Variants in CHRNA5 observed in about 807,000 individuals in gnomAD.
CHRNA5 encodes the protein cholinergic receptor nicotinic alpha 5 subunit, also known as neuronal acetylcholine receptor subunit alpha-5.
A neutral mutation model predicts 41.2 loss-of-function variants in CHRNA5; 28 were observed. The ratio of observed to expected loss-of-function variants is 0.68; its 90% CI spans 0.50 to 0.93. CHRNA5 has a LOEUF of 0.93. Among genes scored for constraint, CHRNA5 ranks in the 40% least tolerant of loss-of-function variants. The pLI, the probability that CHRNA5 is intolerant of heterozygous loss-of-function variation, is 0.00. For missense variants in CHRNA5, 481 were observed against 581.9 expected (o/e 0.83, Z 1.78); for synonymous variants, 188 against 205.8 (o/e 0.91, Z 0.74).
chr15:78,569,009 C>G (rs7165657), intron 1 of CHRNA5, among the ~76,000 whole-genome samples: 5,444 of 152,218 alleles, frequency 0.036, 332 homozygotes, highest in African/African-American at 0.12. Context: ...TACACACATA[C>G]TGACTGTCAG....
At chr15:78,582,549 G>A (rs754904855) in intron 2 of CHRNA5, among the ~76,000 whole-genome samples, 1 of 151,988 alleles carries the variant, frequency 6.6e-6, no homozygotes, top group Non-Finnish European at 1.5e-5. Context: ...GATCTTTCTG[G>A]TTGAGGTCAT....
exon 6 of CHRNA5, chr15:78,594,335 T>C (rs756892955): frequency 6.6e-6 from 1 of 152,168 alleles, no homozygotes; most frequent in Non-Finnish European, 1.5e-5. Context: ...TCTTTATCCT[T>C]GATCTTAGAA....
At chr15:78,571,683 G>T (rs542036831) in intron 1 of CHRNA5, among the ~76,000 whole-genome samples, 2 of 150,256 alleles carry the variant, frequency 1.3e-5, no homozygotes, top group Non-Finnish European at 2.9e-5. Context: ...TTCTTACTGC[G>T]AGTGTTCTGA....
intron 2 of CHRNA5, among the ~76,000 whole-genome samples, chr15:78,585,564 C>T (rs2052951501): frequency 6.6e-6 from 1 of 152,048 alleles, no homozygotes; most frequent in Non-Finnish European, 1.5e-5. Context: ...TGTTGATTCT[C>T]CTGGCTCCAT....
chr15:78,587,442 C>A (rs1198213901), intron 3 of CHRNA5, among the ~76,000 whole-genome samples: 1 of 136,508 alleles, frequency 7.3e-6, no homozygotes, highest in South Asian at 2.7e-4. Flanking sequence ...GCGTTCCAGG[C>A]AGCAGGACCT....
rs537801928 is a variant in CHRNA5, at chr15:78,575,289, G to A, written c.107-5522G>A. Among the ~76,000 whole-genome samples the A allele has an allele frequency of 1.7e-3, 259 of 152,172 alleles. 1 individual carries two copies. The highest frequency in any genetic ancestry group is 1.8e-3 in the Non-Finnish European group (121 of 68,000). On this transcript the variant is annotated intron_variant, in intron 1 of 5. Transcript: ENST00000299565. Reference sequence around the variant, plus strand: ...ATATAAAAGTGTTAGTGACATTACTGTATACACATTTATACCTTTGTTAGG... The same window carrying A: ...ATATAAAAGTGTTAGTGACATTACTATATACACATTTATACCTTTGTTAGG...
At chr15:78,576,437 C>T (rs935204532) in intron 1 of CHRNA5, among the ~76,000 whole-genome samples, 16 of 152,050 alleles carry the variant, frequency 1.1e-4, no homozygotes, top group African/African-American at 3.4e-4. Flanking sequence ...TGAGCCACCG[C>T]GCCTGGCCCA....
chr15:78,592,806 G>A (rs1450442300), intron 5 of CHRNA5, among the ~76,000 whole-genome samples: 1 of 152,068 alleles, frequency 6.6e-6, no homozygotes, highest in Non-Finnish European at 1.5e-5. Flanking sequence ...TTAGTTTATT[G>A]TAAAATATCC....
At chr15:78,586,742 TTTA>T (rs2052964989) in intron 3 of CHRNA5, 53 bp downstream of exon 3, 5 of 1,204,080 alleles carry the variant, frequency 4.2e-6, no homozygotes, top group Non-Finnish European at 6.1e-6. Context: ...GACACCTATT[TTTA>T]TTATATGTAT....
chr15:78,588,293 G>T lies in CHRNA5; in HGVS notation c.304-21G>T. Reference sequence around the variant, plus strand: ...GACTATTAGTTTTATTGAAATTGAGGCAGATTTCTTTGTTTTAAAGGAATG... The same window carrying T: ...GACTATTAGTTTTATTGAAATTGAGTCAGATTTCTTTGTTTTAAAGGAATG... On this transcript the variant is annotated intron_variant, in intron 3 of 5. Coordinates refer to ENST00000299565, the Ensembl canonical transcript of CHRNA5. This position sits in a 1 kb window ranked among gnomAD's most constrained non-coding sequence, Gnocchi z 4.1. The T allele has an allele frequency of 3.1e-6, 4 of 1,270,792 alleles. No homozygotes were observed. Among genetic ancestry groups the T allele is most frequent in the Non-Finnish European group, 2.2e-6 (2 of 900,776 alleles). The allele number at this position is 1,270,792 out of a possible 1,614,324, so 78.7% of individuals were successfully genotyped here. A position where few individuals can be genotyped will look rare whatever the true frequency, so the allele number is the denominator to read the frequency against.
chr15:78,590,469 C>A, exon 5 of CHRNA5: 1 of 1,614,224 alleles, frequency 6.2e-7, no homozygotes, highest in Non-Finnish European at 8.5e-7. Flanking sequence ...TCTTCACACG[C>A]TTCCCAAACT....
Position 78,565,810 on chromosome 15 carries a change from G to GGCGGCGC in CHRNA5, c.94_100dup (p.Gln34ArgfsTer8). 1 of 1,222,120 alleles carries GGCGGCGC rather than the reference G, an allele frequency of 8.2e-7. No individual in the cohort carries two copies. Among genetic ancestry groups the GGCGGCGC allele is most frequent in the Non-Finnish European group, 1.0e-6 (1 of 981,942 alleles). The allele number at this position is 1,222,120 out of a possible 1,614,324, so 75.7% of individuals were successfully genotyped here. On this transcript the variant is annotated frameshift_variant, in exon 1 of 6. Coordinates refer to ENST00000299565, the Ensembl canonical transcript of CHRNA5. LOFTEE classifies it high-confidence loss of function. Reference sequence around the variant, plus strand: ...GCGCTGCGGTCTAGCGGGCGCGGCGGGCGGCGCGCAGAGAGGTAAGCCCGG... The same window carrying GGCGGCGC: ...GCGCTGCGGTCTAGCGGGCGCGGCGGGCGGCGCGCGGCGCGCAGAGAGGTAAGCCCGG...
intron 5 of CHRNA5, chr15:78,590,898 G>GTGT (rs2053007058): frequency 6.8e-6 from 3 of 437,972 alleles, no homozygotes; most frequent in Non-Finnish European, 1.2e-5. Flanking sequence ...AGAAAATTTA[G>GTGT]TGTTATATTC....
At chr15:78,584,837 C>G (rs943615581) in intron 2 of CHRNA5, among the ~76,000 whole-genome samples, 2 of 152,066 alleles carry the variant, frequency 1.3e-5, no homozygotes, top group Non-Finnish European at 2.9e-5. Flanking sequence ...GGGTGGTGTG[C>G]GACTAGGGTG....
intron 1 of CHRNA5, among the ~76,000 whole-genome samples, chr15:78,568,219 A>T (rs1354047667): frequency 6.6e-6 from 1 of 152,202 alleles, no homozygotes; most frequent in Non-Finnish European, 1.5e-5. Context: ...TATTTGGCTG[A>T]TGAACGGTCA....
At chr15:78,572,164 A>G (rs2052811552) in intron 1 of CHRNA5, among the ~76,000 whole-genome samples, 1 of 152,200 alleles carries the variant, frequency 6.6e-6, no homozygotes, top group Admixed American at 6.5e-5. Context: ...CAGCCTGTGA[A>G]GAAGAAAAGG....
At chr15:78,566,546 G>GTT (rs1204274705) in intron 1 of CHRNA5, among the ~76,000 whole-genome samples, 1 of 152,304 alleles carries the variant, frequency 6.6e-6, no homozygotes, top group Admixed American at 6.5e-5. Context: ...AGAAAAACAC[G>GTT]TTTGTGGAGC....
At chr15:78,590,266 T>C (rs1487143659) in exon 5 of CHRNA5, 2 of 1,613,708 alleles carry the variant, frequency 1.2e-6, no homozygotes, top group Non-Finnish European at 1.7e-6. Flanking sequence ...CTTGTGTCTT[T>C]GACTGTCTTC....
Position 78,588,069 on chromosome 15 carries a change from C to T in CHRNA5, c.304-245C>T, listed in dbSNP as rs2052977315. Among the ~76,000 whole-genome samples, 1 of 152,102 alleles carries T rather than the reference C, an allele frequency of 6.6e-6. No homozygotes were observed. The highest frequency in any genetic ancestry group is 6.5e-5 in the Admixed American group (1 of 15,272). Reference sequence around the variant, plus strand: ...AGTCAGTTGATGGGAGAAGAGTTGCCGAGCAGAGCCATGAACACATCTAGC... The same window carrying T: ...AGTCAGTTGATGGGAGAAGAGTTGCTGAGCAGAGCCATGAACACATCTAGC... On this transcript the variant is annotated intron_variant, in intron 3 of 5. Transcript: ENST00000299565. The surrounding 1 kb of genome is among the most constrained non-coding windows in gnomAD (Gnocchi z 4.1).
Sources: gnomAD v4.1 joint callset for allele counts (sites outside exome capture counted in the v4.1 genomes callset) on GRCh38, gnomAD v4.1.1 for gene constraint, Gnocchi (gnomAD v3.1) non-coding constraint, MANE v1.5 for transcripts, NCBI Gene and HGNC (gene_info 2026-07-23, HGNC 2026-07-21) for gene names.